Variants in CASR observed in about 807,000 individuals in gnomAD.
CASR encodes calcium sensing receptor, also known as extracellular calcium-sensing receptor.
Under a neutral mutation model 69.1 loss-of-function variants are expected in CASR, and 23 were observed. The ratio of observed to expected loss-of-function variants is 0.33; its 90% confidence interval spans 0.24 to 0.47. The LOEUF (loss-of-function observed/expected upper bound fraction) is 0.47. Ranked by LOEUF, CASR falls within the 20% of genes least tolerant of loss-of-function variation. The probability of loss-of-function intolerance (pLI) is 1.00; values close to 1 mark genes in which losing one functional copy is unlikely to be tolerated. For missense variants in CASR, 924 were observed against 1,356.1 expected, an observed-to-expected ratio of 0.68 and a Z score of 5.00; for synonymous variants, 541 against 544.7, an observed-to-expected ratio of 0.99 and a Z score of 0.10.
Position 122,218,363 on chromosome 3 carries a change from G to A in CASR, c.-243+34551G>A, listed in dbSNP as rs541435834. Among the ~76,000 whole-genome samples the A allele has an allele frequency of 4.7e-4, 72 of 151,936 alleles. 1 individual carries two copies. In the South Asian group the frequency reaches 6.3e-3, roughly 13 times the overall value. On this transcript the variant is annotated intron_variant, in intron 1 of 6. Transcript: ENST00000639785. ...AGCCTGGCCAACATGGTGAAACCCC[G>A]CCTCTACTAAAATACAAAAAATTAG...
At chr3:122,228,504 A>C (rs1417801108) in intron 1 of CASR, among the ~76,000 whole-genome samples, 2 of 152,216 alleles carry the variant, frequency 1.3e-5, no homozygotes, top group East Asian at 1.9e-4. Flanking sequence ...AGGTGCAGAC[A>C]AAAGGAATTA....
chr3:122,205,354 T>C (rs2073996739), intron 1 of CASR, among the ~76,000 whole-genome samples: 1 of 152,132 alleles, frequency 6.6e-6, no homozygotes, highest in South Asian at 2.1e-4. Flanking sequence ...CATTGTATGT[T>C]TGTGGCACCT....
At chr3:122,223,774 C>T (rs985788258) in intron 1 of CASR, among the ~76,000 whole-genome samples, 10 of 152,114 alleles carry the variant, frequency 6.6e-5, no homozygotes, top group Admixed American at 2.6e-4. Flanking sequence ...TGATGAACAT[C>T]GATGCAAAAA....
At chr3:122,187,470 G>A (rs976138167) in intron 1 of CASR, among the ~76,000 whole-genome samples, 1 of 152,194 alleles carries the variant, frequency 6.6e-6, no homozygotes, top group Non-Finnish European at 1.5e-5. Context: ...TGATTACTAG[G>A]ACAGAGTCCC....
At chr3:122,203,408 C>T (rs2073976802) in intron 1 of CASR, among the ~76,000 whole-genome samples, 1 of 152,186 alleles carries the variant, frequency 6.6e-6, no homozygotes, top group South Asian at 2.1e-4. Context: ...CCTACTTACA[C>T]CTAGCTATAT....
At chr3:122,235,400 C>T (rs1337161953) in intron 1 of CASR, among the ~76,000 whole-genome samples, 1 of 152,134 alleles carries the variant, frequency 6.6e-6, no homozygotes, top group Non-Finnish European at 1.5e-5. Flanking sequence ...GAAAGTTACC[C>T]TAACTTTACA....
In CASR at chr3:122,284,955, C is replaced by A. The variant is rs756322971; in HGVS notation, c.3001C>A (p.Gln1001Lys). The change falls in exon 7 of 7, where the codon CAG becomes AAG. Residue 1001 changes from glutamine to lysine, a missense_variant. By Grantham distance (53) the Gln-to-Lys change is moderately conservative. This residue lies in a region of CASR where 201 missense variants were observed against 228.8 expected (regional missense o/e 0.88). Transcript: ENST00000639785. ...NSTHQNSLEA[Q>K]KSSDTLTRHE... is the part of the protein sequence containing the mutation. ...TACGCACCAGAACTCCCTGGAGGCCCAGAAAAGCAGCGATACGCTGACCCG... is the reference window on the plus strand; with the variant it reads ...TACGCACCAGAACTCCCTGGAGGCCAAGAAAAGCAGCGATACGCTGACCCG... The A allele has an allele frequency of 6.2e-7, 1 of 1,614,060 alleles. No homozygotes were observed. The highest frequency in any genetic ancestry group is 8.5e-7 in the Non-Finnish European group (1 of 1,180,038).
chr3:122,221,246 A>G (rs754879710), intron 1 of CASR, among the ~76,000 whole-genome samples: 8 of 152,198 alleles, frequency 5.3e-5, no homozygotes, highest in Non-Finnish European at 1.0e-4. Context: ...CACTTTGGGA[A>G]ATGCTACTTT....
chr3:122,273,914 C>T (rs1466590130), intron 4 of CASR, among the ~76,000 whole-genome samples: 1 of 152,066 alleles, frequency 6.6e-6, no homozygotes, highest in Non-Finnish European at 1.5e-5. Flanking sequence ...CAGGTCACCC[C>T]AACAGCGAGG....
intron 1 of CASR, among the ~76,000 whole-genome samples, chr3:122,202,742 T>G (rs1051456778): frequency 1.3e-5 from 2 of 152,242 alleles, no homozygotes; most frequent in African/African-American, 4.8e-5. Context: ...TTAAGAATAG[T>G]TATAAAGACA....
In CASR at chr3:122,257,309, G is replaced by T; in HGVS notation, c.414G>T (p.Thr138=). ...ACTGCTCAGAGCACATTCCCTCTAC[G>T]ATTGCTGTGGTGGGAGCAACTGGCT... ...FCNCSEHIPS[T]IAVVGATGSG... is the part of the protein sequence containing the mutation. The change falls in exon 3 of 7, where the codon ACG becomes ACT. Residue 138 remains threonine (T), a synonymous_variant. Coordinates refer to ENST00000639785, the MANE Select transcript of CASR (RefSeq NM_000388.4). 6.2e-7 allele frequency: 1 copy of T among 1,613,962 alleles called. No individual in the cohort carries two copies. The highest frequency in any genetic ancestry group is 8.5e-7 in the Non-Finnish European group (1 of 1,179,866).
chr3:122,270,053 G>A (rs1362404081), intron 4 of CASR, among the ~76,000 whole-genome samples: 1 of 152,030 alleles, frequency 6.6e-6, no homozygotes, highest in African/African-American at 2.4e-5. Context: ...TGTCGACCAG[G>A]CTCGTCTCTA....
chr3:122,227,693 G>A (rs537810465), intron 1 of CASR, among the ~76,000 whole-genome samples: 109 of 152,290 alleles, frequency 7.2e-4, no homozygotes, highest in African/African-American at 2.2e-3. Context: ...AGGAGGCACC[G>A]AGAGTGAGTG....
intron 1 of CASR, among the ~76,000 whole-genome samples, chr3:122,248,832 G>A (rs576278109): frequency 3.5e-4 from 53 of 152,172 alleles, no homozygotes; most frequent in Non-Finnish European, 7.6e-4. Context: ...AAATTGAAAT[G>A]TGGCAGTGTT....
intron 1 of CASR, among the ~76,000 whole-genome samples, chr3:122,242,364 T>C (rs1235849789): frequency 6.6e-6 from 1 of 152,048 alleles, no homozygotes; most frequent in Non-Finnish European, 1.5e-5. Flanking sequence ...ATACAAAAAC[T>C]AGTAGCATTT....
intron 3 of CASR, among the ~76,000 whole-genome samples, chr3:122,260,812 T>C (rs997682275): frequency 3.5e-4 from 54 of 152,334 alleles, no homozygotes; most frequent in African/African-American, 1.1e-3. Flanking sequence ...TACAGGGGGA[T>C]TGAGCCTAGT....
At chr3:122,232,014 G>A (rs1415482024) in intron 1 of CASR, among the ~76,000 whole-genome samples, 1 of 152,138 alleles carries the variant, frequency 6.6e-6, no homozygotes, top group Non-Finnish European at 1.5e-5. Flanking sequence ...GAAGGACGAC[G>A]TGGGGATGGG....
chr3:122,223,337 A>C (rs948812747), intron 1 of CASR, among the ~76,000 whole-genome samples: 2 of 152,192 alleles, frequency 1.3e-5, no homozygotes, highest in Non-Finnish European at 2.9e-5. Flanking sequence ...GAAGATCCAA[A>C]TAAACACAAT....
At chr3:122,201,816 C>G (rs1375523837) in intron 1 of CASR, among the ~76,000 whole-genome samples, 1 of 150,590 alleles carries the variant, frequency 6.6e-6, no homozygotes, top group Non-Finnish European at 1.5e-5. Flanking sequence ...ACATCTCAGA[C>G]GATGGGCGGC....
Sources: gnomAD v4.1 joint callset for allele counts (sites outside exome capture counted in the v4.1 genomes callset) on GRCh38, gnomAD v4.1.1 for gene constraint, gnomAD v4.1.1 regional missense constraint, MANE v1.5 for transcripts, NCBI Gene and HGNC (gene_info 2026-07-23, HGNC 2026-07-21) for gene names.